OR5L1: variants seen among roughly 807,000 people sequenced by gnomAD.
The protein encoded by OR5L1 is olfactory receptor family 5 subfamily L member 1.
For synonymous variants in OR5L1, 197 were observed against 146.6 expected, an observed-to-expected ratio of 1.34 and a Z score of -2.49; for missense variants, 398 against 365.8, an observed-to-expected ratio of 1.09 and a Z score of -0.72.
rs770569776 is a variant in OR5L1, at chr11:55,812,368, TC to T, written c.903del (p.Arg302GlufsTer3). On this transcript the variant is annotated frameshift_variant, in exon 1 of 1. Transcript: ENST00000625203. LOFTEE classifies it low-confidence loss of function (END_TRUNC). ...SLRNKDVKEA[L>X]RKVMGSKIHS ...AGAAATAAAGATGTGAAAGAAGCTC[TC>T]AGAAAAGTGATGGGCTCCAAAATTC... 1 of 1,611,472 alleles carries T rather than the reference TC, an allele frequency of 6.2e-7. No individual in the cohort carries two copies. The highest frequency in any genetic ancestry group is 2.2e-5 in the East Asian group (1 of 44,878).
Position 55,812,346 on chromosome 11 carries a change from A to G in OR5L1, c.880A>G (p.Asn294Asp). 1 of 1,613,696 alleles carries G rather than the reference A, an allele frequency of 6.2e-7. No individual in the cohort carries two copies. The highest frequency in any genetic ancestry group is 8.5e-7 in the Non-Finnish European group (1 of 1,179,898). The part of the protein sequence containing the change: ...MLNSVIYSLR[N>D]KDVKEALRKV... ...GAACTCTGTGATCTACAGCCTGAGA[A>G]ATAAAGATGTGAAAGAAGCTCTCAG... is the stretch of plus-strand genomic sequence containing the variant. The change falls in exon 1 of 1, where the codon AAT (asparagine) becomes GAT (aspartate). Residue 294 changes from asparagine to aspartate, a missense_variant. Transcript: ENST00000625203.
At position 55,811,830 on chromosome 11, in the gene OR5L1, C is replaced by T. The variant is rs149851583; in HGVS notation, c.364C>T (p.Arg122Cys). Residue 122 changes from arginine to cysteine, a missense_variant, in exon 1 of 1, where the codon CGC becomes TGC. By Grantham distance (180) the Arg-to-Cys change is radical. Coordinates refer to ENST00000625203, the MANE Select transcript of OR5L1 (RefSeq NM_001004738.2). Reference sequence around the variant, plus strand: ...CCTGCTGGCCGTGATGGCCTATGACCGCTTTGTGGCCATCTGTAACCCTTT... The same window carrying T: ...CCTGCTGGCCGTGATGGCCTATGACTGCTTTGTGGCCATCTGTAACCCTTT... The part of the protein sequence containing the change: ...VFLLAVMAYD[R>C]FVAICNPLLY... The T allele has an allele frequency of 2.9e-5, 46 of 1,613,850 alleles. No individual in the cohort carries two copies. The highest frequency in any genetic ancestry group is 1.6e-4 in the Middle Eastern group (1 of 6,082).
In OR5L1 at chr11:55,811,575, G is replaced by C. The variant is rs1372467827; in HGVS notation, c.109G>C (p.Val37Leu). The change falls in exon 1 of 1, where the codon GTC (valine) becomes CTC (leucine). Residue 37 changes from valine to leucine, a missense_variant. By Grantham distance (32) the Val-to-Leu change is conservative. Coordinates refer to ENST00000625203, the MANE Select transcript of OR5L1 (RefSeq NM_001004738.2). ...LFLLFLLIYG[V>L]TLLANLGMIA... ...CCTGCTGTTCCTTCTCATCTATGGA[G>C]TCACGTTGTTAGCCAACCTGGGCAT... is the stretch of plus-strand genomic sequence containing the variant. The C allele has an allele frequency of 2.5e-6, 4 of 1,613,826 alleles. No homozygotes were observed. The highest frequency in any genetic ancestry group is 3.4e-6 in the Non-Finnish European group (4 of 1,180,032).
At position 55,811,513 on chromosome 11, in the gene OR5L1, G is replaced by T. The variant is rs1034103437; in HGVS notation, c.47G>T (p.Gly16Val). 1.9e-6 allele frequency: 3 copies of T among 1,613,804 alleles called. No individual in the cohort carries two copies. The highest frequency in any genetic ancestry group is 3.3e-5 in the Admixed American group (2 of 59,994). ...ACTGTGGCTGAGTTCATTCTCCTTG[G>T]ACTATCAGATGTCCCTGAGTTGAGA... is the stretch of plus-strand genomic sequence containing the variant. ...CTTVAEFILL[G>V]LSDVPELRVC... The change falls in exon 1 of 1, where the codon GGA (glycine) becomes GTA (valine). Residue 16 changes from glycine (G) to valine (V), a missense_variant. Coordinates refer to ENST00000625203, the MANE Select transcript of OR5L1 (RefSeq NM_001004738.2).
In OR5L1 at chr11:55,812,325, T is replaced by C. The variant is rs12790505; in HGVS notation, c.859T>C (p.Ser287Pro). 136,697 of 1,613,548 alleles carry C rather than the reference T, an allele frequency of 0.085. 6,397 individuals are homozygous for C. Among genetic ancestry groups the C allele is most frequent in the African/African-American group, 0.16 (12,317 of 74,790 alleles). ...FYTVVIPMLN[S>P]VIYSLRNKDV... ...CACAGTCGTGATTCCTATGCTGAAC[T>C]CTGTGATCTACAGCCTGAGAAATAA... Residue 287 changes from serine (S) to proline (P), a missense_variant, in exon 1 of 1, where the codon TCT becomes CCT. Transcript: ENST00000625203.
Position 55,812,191 on chromosome 11 carries a change from C to G in OR5L1, c.725C>G (p.Ala242Gly). 1 of 1,613,964 alleles carries G rather than the reference C, an allele frequency of 6.2e-7. No homozygotes were observed. The highest frequency in any genetic ancestry group is 8.5e-7 in the Non-Finnish European group (1 of 1,180,026). ...AGGCACAAAGCCTTCTCCACCTGTG[C>G]TTCCCACCTCACAGCTATCACTGTC... ...EGRHKAFSTC[A>G]SHLTAITVFH... The change falls in exon 1 of 1, where the codon GCT (alanine) becomes GGT (glycine). Residue 242 changes from alanine (A) to glycine (G), a missense_variant. Coordinates refer to ENST00000625203, the MANE Select transcript of OR5L1 (RefSeq NM_001004738.2).
Position 55,812,433 on chromosome 11 carries a change from C to G in OR5L1, c.*31C>G, listed in dbSNP as rs747914946. ...ATTTTATTAGCACAATTCAGGATTC[C>G]CAAGTAGTGGCAGGCGGGGGTTCAC... is the stretch of plus-strand genomic sequence containing the variant. On this transcript the variant is annotated 3_prime_UTR_variant, in exon 1 of 1. Coordinates refer to ENST00000625203, the MANE Select transcript of OR5L1 (RefSeq NM_001004738.2). The G allele has an allele frequency of 1.1e-5, 16 of 1,521,872 alleles. No homozygotes were observed. The East Asian group carries it at 2.9e-4, about 28-fold the overall frequency. The allele number at this position is 1,521,872 out of a possible 1,614,324, so 94.3% of individuals were successfully genotyped here. A position where few individuals can be genotyped will look rare whatever the true frequency, so the allele number is the denominator to read the frequency against.
chr11:55,812,378 G>C lies in OR5L1; in HGVS notation c.912G>C (p.Val304=), dbSNP rs1399486603. 3 of 1,609,024 alleles carry C rather than the reference G, an allele frequency of 1.9e-6. No homozygotes were observed. Among genetic ancestry groups the C allele is most frequent in the African/African-American group, 1.3e-5 (1 of 74,670 alleles). The change falls in exon 1 of 1, where the codon GTG becomes GTC. Residue 304 remains valine (V), a synonymous_variant. Transcript: ENST00000625203. ...NKDVKEALRK[V]MGSKIHS is the part of the protein sequence containing the mutation. ...ATGTGAAAGAAGCTCTCAGAAAAGT[G>C]ATGGGCTCCAAAATTCACTCCTAGG...
At position 55,811,912 on chromosome 11, in the gene OR5L1, A is replaced by T; in HGVS notation, c.446A>T (p.Tyr149Phe). The T allele has an allele frequency of 6.2e-7, 1 of 1,613,786 alleles. No individual in the cohort carries two copies. Among genetic ancestry groups the T allele is most frequent in the Non-Finnish European group, 8.5e-7 (1 of 1,179,974 alleles). The change falls in exon 1 of 1, where the codon TAC becomes TTC. Residue 149 changes from tyrosine (Y) to phenylalanine (F), a missense_variant. Coordinates refer to ENST00000625203, the MANE Select transcript of OR5L1 (RefSeq NM_001004738.2). The part of the protein sequence containing the change: ...KVRVELASCC[Y>F]FCGTVCSLIH... ...CGTGTGGAGCTGGCTTCTTGCTGCTACTTCTGTGGGACGGTGTGTTCTCTG... is the reference window on the plus strand; with the variant it reads ...CGTGTGGAGCTGGCTTCTTGCTGCTTCTTCTGTGGGACGGTGTGTTCTCTG...
chr11:55,812,409 T>C lies in OR5L1; in HGVS notation c.*7T>C. ...CTCCAAAATTCACTCCTAGGGAAGA[T>C]TTTATTAGCACAATTCAGGATTCCC... On this transcript the variant is annotated 3_prime_UTR_variant, in exon 1 of 1. Coordinates refer to ENST00000625203, the MANE Select transcript of OR5L1 (RefSeq NM_001004738.2). 2 of 1,584,020 alleles carry C rather than the reference T, an allele frequency of 1.3e-6. No individual in the cohort carries two copies. Among genetic ancestry groups the C allele is most frequent in the Non-Finnish European group, 1.7e-6 (2 of 1,163,228 alleles).
In OR5L1 at chr11:55,811,766, A is replaced by C; in HGVS notation, c.300A>C (p.Gln100His). The change falls in exon 1 of 1, where the codon CAA becomes CAC. Residue 100 changes from glutamine to histidine, a missense_variant. Coordinates refer to ENST00000625203, the MANE Select transcript of OR5L1 (RefSeq NM_001004738.2). ...KAISFLGCMV[Q>H]FYLFCTCVVT... ...TCTCCTTCCTAGGGTGCATGGTGCA[A>C]TTCTACTTGTTTTGCACTTGTGTGG... is the stretch of plus-strand genomic sequence containing the variant. 1 of 1,614,008 alleles carries C rather than the reference A, an allele frequency of 6.2e-7. No homozygotes were observed. Among genetic ancestry groups the C allele is most frequent in the Non-Finnish European group, 8.5e-7 (1 of 1,180,028 alleles).
chr11:55,812,028 G>T lies in OR5L1; in HGVS notation c.562G>T (p.Ala188Ser). 6.2e-7 allele frequency: 1 copy of T among 1,613,876 alleles called. No homozygotes were observed. The highest frequency in any genetic ancestry group is 1.1e-5 in the South Asian group (1 of 91,078). The change falls in exon 1 of 1, where the codon GCT becomes TCT. Residue 188 changes from alanine (A) to serine (S), a missense_variant. By Grantham distance (99) the Ala-to-Ser change is moderately conservative. Coordinates refer to ENST00000625203, the MANE Select transcript of OR5L1 (RefSeq NM_001004738.2). ...FCDLPPVLSL[A>S]CSDITVNETL... ...TGATCTACCTCCTGTCTTAAGTCTT[G>T]CTTGCTCTGATATCACTGTGAATGA...
In OR5L1 at chr11:55,812,307, G is replaced by A. The variant is rs61735738; in HGVS notation, c.841G>A (p.Val281Met). The A allele has an allele frequency of 1.1e-3, 1,746 of 1,613,884 alleles. 33 individuals are homozygous for A. In the African/African-American group the frequency reaches 0.02, roughly 18 times the overall value. The change falls in exon 1 of 1, where the codon GTG (valine) becomes ATG (methionine). Residue 281 changes from valine (V) to methionine (M), a missense_variant. By Grantham distance (21) the Val-to-Met change is conservative (BLOSUM62 1). Coordinates refer to ENST00000625203, the MANE Select transcript of OR5L1 (RefSeq NM_001004738.2). Reference sequence around the variant, plus strand: ...AGTGGCCACCGTGTTCTACACAGTCGTGATTCCTATGCTGAACTCTGTGAT... The same window carrying A: ...AGTGGCCACCGTGTTCTACACAGTCATGATTCCTATGCTGAACTCTGTGAT... ...DKVATVFYTV[V>M]IPMLNSVIYS...
At position 55,811,970 on chromosome 11, in the gene OR5L1, C is replaced by T. The variant is rs765577071; in HGVS notation, c.504C>T (p.Phe168=). The change falls in exon 1 of 1, where the codon TTC becomes TTT. Residue 168 remains phenylalanine, a synonymous_variant. Transcript: ENST00000625203. The part of the protein sequence containing the change: ...IHLCLALRIP[F]YRSNVINHFF... ...TGTGCTTAGCTCTTAGGATCCCCTTCTATAGATCTAATGTGATTAACCACT... is the reference window on the plus strand; with the variant it reads ...TGTGCTTAGCTCTTAGGATCCCCTTTTATAGATCTAATGTGATTAACCACT... 6.2e-6 allele frequency: 10 copies of T among 1,613,966 alleles called. No homozygotes were observed. The South Asian group carries it at 8.8e-5, about 14-fold the overall frequency.
Position 55,812,258 on chromosome 11 carries a change from A to T in OR5L1, c.792A>T (p.Ser264=). 1 of 1,613,882 alleles carries T rather than the reference A, an allele frequency of 6.2e-7. No individual in the cohort carries two copies. Among genetic ancestry groups the T allele is most frequent in the East Asian group, 2.2e-5 (1 of 44,862 alleles). Residue 264 remains serine, a synonymous_variant, in exon 1 of 1, where the codon TCA becomes TCT. Coordinates refer to ENST00000625203, the MANE Select transcript of OR5L1 (RefSeq NM_001004738.2). ...TVLSIYCRPS[S]GNSGDADKVA... ...TTTCCATTTATTGCAGGCCCAGTTCAGGCAATAGTGGAGATGCTGACAAAG... is the reference window on the plus strand; with the variant it reads ...TTTCCATTTATTGCAGGCCCAGTTCTGGCAATAGTGGAGATGCTGACAAAG...
In OR5L1 at chr11:55,812,235, T is replaced by C. The variant is rs1186028101; in HGVS notation, c.769T>C (p.Ser257Pro). 1.9e-6 allele frequency: 3 copies of C among 1,613,834 alleles called. No individual in the cohort carries two copies. Among genetic ancestry groups the C allele is most frequent in the East Asian group, 2.2e-5 (1 of 44,850 alleles). The change falls in exon 1 of 1, where the codon TCC becomes CCC. Residue 257 changes from serine to proline, a missense_variant. Physicochemically the swap from Ser to Pro is moderately conservative, Grantham distance 74 (BLOSUM62 -1). Transcript: ENST00000625203. ...AITVFHGTVL[S>P]IYCRPSSGNS... ...CACTGTCTTCCATGGAACAGTCCTT[T>C]CCATTTATTGCAGGCCCAGTTCAGG...
chr11:55,811,444 C>A lies in OR5L1; in HGVS notation c.-23C>A, dbSNP rs774613166. 2 of 1,594,078 alleles carry A rather than the reference C, an allele frequency of 1.3e-6. No individual in the cohort carries two copies. Among genetic ancestry groups the A allele is most frequent in the African/African-American group, 1.4e-5 (1 of 73,994 alleles). On this transcript the variant is annotated 5_prime_UTR_variant, in exon 1 of 1. Transcript: ENST00000625203. ...GAATAATTTTTAAGTTTCTTTTCCT[C>A]CAATCTCATATAAATTGGAGACATG...
chr11:55,811,953 G>A lies in OR5L1; in HGVS notation c.487G>A (p.Ala163Thr), dbSNP rs578149068. 5.6e-6 allele frequency: 9 copies of A among 1,613,898 alleles called. No homozygotes were observed. In the African/African-American group the frequency reaches 1.2e-4, roughly 22 times the overall value. ...TVCSLIHLCLALRIPFYRSNV... is the reference protein window; with the variant it reads ...TVCSLIHLCLTLRIPFYRSNV... ...GTGTTCTCTGATTCATTTGTGCTTA[G>A]CTCTTAGGATCCCCTTCTATAGATC... The change falls in exon 1 of 1, where the codon GCT (alanine) becomes ACT (threonine). Residue 163 changes from alanine (A) to threonine (T), a missense_variant. Coordinates refer to ENST00000625203, the MANE Select transcript of OR5L1 (RefSeq NM_001004738.2).
rs778433400 is a variant in OR5L1, at chr11:55,811,431, A to G, written c.-36A>G. 1.9e-6 allele frequency: 3 copies of G among 1,565,650 alleles called. No homozygotes were observed. Among genetic ancestry groups the G allele is most frequent in the South Asian group, 1.2e-5 (1 of 82,778 alleles). On this transcript the variant is annotated 5_prime_UTR_variant, in exon 1 of 1. The change abolishes the stop of an existing upstream ORF in the 5' untranslated region. Coordinates refer to ENST00000625203, the MANE Select transcript of OR5L1 (RefSeq NM_001004738.2). Reference sequence around the variant, plus strand: ...ACTATATAATGGAGAATAATTTTTAAGTTTCTTTTCCTCCAATCTCATATA... The same window carrying G: ...ACTATATAATGGAGAATAATTTTTAGGTTTCTTTTCCTCCAATCTCATATA...
Sources: allele counts gnomAD v4.1 joint callset, GRCh38; gene constraint gnomAD v4.1.1; transcripts MANE v1.5; gene names NCBI Gene and HGNC (gene_info 2026-07-23, HGNC 2026-07-21).